The following CYP2J2 variants were observed in gnomAD, a reference collection of about 807,000 sequenced individuals.
CYP2J2 encodes the protein cytochrome P450 2J2.
CYP2J2 carries 41 observed loss-of-function variants against 48.8 expected under a neutral mutation model. The ratio of observed to expected loss-of-function variants is 0.84; its 90% CI spans 0.66 to 1.09. CYP2J2 has a LOEUF of 1.09. CYP2J2 is among the 50% of genes least tolerant of loss of function. CYP2J2 has a pLI of 0.00. For missense variants in CYP2J2, 644 were observed against 617.3 expected, an observed-to-expected ratio of 1.04 and a Z score of -0.46; for synonymous variants, 221 against 227.1, an observed-to-expected ratio of 0.97 and a Z score of 0.24.
rs11572304 is a variant in CYP2J2 at position 59,901,356 on chromosome 1, C to T, written c.1192-253G>A. Among the ~76,000 whole-genome samples the T allele has an allele frequency of 5.8e-4, 88 of 152,262 alleles. 1 individual carries two copies. The East Asian group carries it at 0.016, about 27-fold the overall frequency. On this transcript the variant is annotated intron_variant, in intron 7 of 8. Transcript: ENST00000371204. ...GTCTGGCTACTCTTGACTGCAGGAT[C>T]GAGCTTCCTTACAGGGACAGGTCAG...
At chr1:59,911,458 AT>A in intron 4 of CYP2J2, 149 bp downstream of exon 4, 1 of 565,706 alleles carries the variant, frequency 1.8e-6, no homozygotes, top group Non-Finnish European at 3.0e-6. Context: ...AAGTCAATAG[AT>A]TTATTTCAAA....
chr1:59,917,038 T>A (rs1398833039), intron 1 of CYP2J2, among the ~76,000 whole-genome samples: 1 of 152,168 alleles, frequency 6.6e-6, no homozygotes, highest in Admixed American at 6.5e-5. Context: ...GCCCTCGAGC[T>A]CTGGAGTTAT....
the CYP2J2 span, among the ~76,000 whole-genome samples, chr1:59,945,514 C>T: frequency 6.6e-6 from 1 of 152,052 alleles, no homozygotes; most frequent in Non-Finnish European, 1.5e-5. Flanking sequence ...TCCATGGGCT[C>T]TATTGAGCTT....
intron 8 of CYP2J2, among the ~76,000 whole-genome samples, chr1:59,896,218 G>C (rs1644267486): frequency 6.6e-6 from 1 of 151,808 alleles, no homozygotes; most frequent in Non-Finnish European, 1.5e-5. Context: ...GTTGCCCCTA[G>C]CTTATATCAG....
the CYP2J2 span, among the ~76,000 whole-genome samples, chr1:59,944,410 C>T: frequency 6.6e-6 from 1 of 151,980 alleles, no homozygotes; most frequent in Admixed American, 6.6e-5. Context: ...TTTAGTAGAG[C>T]CGGGGTTTCA....
chr1:59,951,593 G>T, the CYP2J2 span, among the ~76,000 whole-genome samples: 1 of 152,266 alleles, frequency 6.6e-6, no homozygotes, highest in African/African-American at 2.4e-5. Context: ...TGTAAGACCA[G>T]TACATAGTAG....
upstream of CYP2J2, chr1:59,926,934 G>C (rs1187412716): frequency 6.6e-6 from 4 of 609,936 alleles, no homozygotes; most frequent in African/African-American, 1.9e-5. Flanking sequence ...GCCAGGCTAG[G>C]AGCAGTTTCT....
At chr1:59,955,906 ATG>A in the CYP2J2 span, among the ~76,000 whole-genome samples, 7 of 151,354 alleles carry the variant, frequency 4.6e-5, no homozygotes, top group Admixed American at 2.6e-4. Flanking sequence ...GTGTGTGTGT[ATG>A]TGTGTGTGTG....
the CYP2J2 span, among the ~76,000 whole-genome samples, chr1:59,966,618 T>G: frequency 6.6e-6 from 1 of 152,160 alleles, no homozygotes; most frequent in Non-Finnish European, 1.5e-5. Context: ...GCTGGGTGGT[T>G]GTTGGTGAGG....
chr1:59,927,557 AG>A (rs1223778669), upstream of CYP2J2, among the ~76,000 whole-genome samples: 1 of 152,190 alleles, frequency 6.6e-6, no homozygotes, highest in Admixed American at 6.5e-5. Context: ...TACTCAACAT[AG>A]AGTCACATAT....
intron 8 of CYP2J2, among the ~76,000 whole-genome samples, chr1:59,898,646 C>T (rs1317171434): frequency 6.6e-6 from 1 of 152,148 alleles, no homozygotes; most frequent in Non-Finnish European, 1.5e-5. Context: ...ACATTCTAGT[C>T]GTACTAGAGA....
At chr1:59,910,089 C>G in intron 4 of CYP2J2, 129 bp from the exon 5 acceptor site, 1 of 677,708 alleles carries the variant, frequency 1.5e-6, no homozygotes, top group Non-Finnish European at 2.4e-6. Flanking sequence ...TATCCTTGAC[C>G]CCTCTTTTCT....
chr1:59,946,900 T>C, the CYP2J2 span, among the ~76,000 whole-genome samples: 3 of 152,278 alleles, frequency 2.0e-5, no homozygotes, highest in Non-Finnish European at 4.4e-5. Context: ...GAAATAATAA[T>C]ACCTAATGCA....
chr1:59,904,153 A>T (rs1015687580), intron 7 of CYP2J2, among the ~76,000 whole-genome samples: 1 of 152,144 alleles, frequency 6.6e-6, no homozygotes, highest in African/African-American at 2.4e-5. Context: ...TGGGTGGATC[A>T]CGAGGTCAAG....
Position 59,911,789 on chromosome 1 carries a change from A to G in CYP2J2, c.524-21T>C, listed in dbSNP as rs1644418365. On this transcript the variant is annotated intron_variant, in intron 3 of 8. Coordinates refer to ENST00000371204, the MANE Select transcript of CYP2J2 (RefSeq NM_000775.4). ...CTGTCCTGAAGGTGGAGGAAGGGCA[A>G]GATGGATCCTTCTGATGGATTTGTC... is the stretch of plus-strand genomic sequence containing the variant. The G allele has an allele frequency of 1.9e-6, 3 of 1,607,038 alleles. No individual in the cohort carries two copies. In the African/African-American group the frequency reaches 4.0e-5, roughly 22 times the overall value.
chr1:59,925,418 T>C (rs1266836852), intron 1 of CYP2J2, among the ~76,000 whole-genome samples: 1 of 152,216 alleles, frequency 6.6e-6, no homozygotes, highest in Non-Finnish European at 1.5e-5. Flanking sequence ...AGATAGACTA[T>C]ATCTTGTGTC....
At chr1:59,959,078 C>T in the CYP2J2 span, among the ~76,000 whole-genome samples, 2 of 152,094 alleles carry the variant, frequency 1.3e-5, no homozygotes, top group African/African-American at 4.8e-5. Flanking sequence ...TGCTCAGATC[C>T]CGCTCACCTT....
intron 2 of CYP2J2, among the ~76,000 whole-genome samples, chr1:59,915,331 A>T (rs985783549): frequency 6.6e-6 from 1 of 152,130 alleles, no homozygotes; most frequent in African/African-American, 2.4e-5. Context: ...ACTTGAGGAG[A>T]AATACCCATA....
chr1:59,895,937 G>A (rs1644265219), intron 8 of CYP2J2, among the ~76,000 whole-genome samples: 1 of 151,932 alleles, frequency 6.6e-6, no homozygotes, highest in Admixed American at 6.6e-5. Flanking sequence ...TAAATGCATG[G>A]GATTCCTGTT....
Sources: gnomAD v4.1 joint callset for allele counts (sites outside exome capture counted in the v4.1 genomes callset) on GRCh38, gnomAD v4.1.1 for gene constraint, MANE v1.5 for transcripts, NCBI Gene and HGNC (gene_info 2026-07-23, HGNC 2026-07-21) for gene names.